Variants in AGBL4 observed in about 807,000 individuals in gnomAD.
AGBL4 encodes the protein cytosolic carboxypeptidase 6.
A neutral mutation model predicts 66.4 loss-of-function variants in AGBL4; 58 were observed. The ratio of observed to expected loss-of-function variants is 0.87; its 90% CI spans 0.71 to 1.09. The LOEUF (loss-of-function observed/expected upper bound fraction) is 1.09. Ranked by LOEUF, AGBL4 falls within the 50% of genes least tolerant of loss-of-function variation. The pLI, the probability that AGBL4 is intolerant of heterozygous loss-of-function variation, is 0.00. For synonymous variants in AGBL4, 234 were observed against 222.9 expected (o/e 1.05, Z -0.44); for missense variants, 579 against 631.0 (o/e 0.92, Z 0.88).
intron 1 of AGBL4, among the ~76,000 whole-genome samples, chr1:49,902,718 G>T (rs1649884971): frequency 6.6e-6 from 1 of 152,176 alleles, no homozygotes; most frequent in South Asian, 2.1e-4. Flanking sequence ...CTACACTCCA[G>T]CCTGGGCAAC....
At chr1:49,275,704 C>T (rs1644154301) in intron 3 of AGBL4, among the ~76,000 whole-genome samples, 1 of 151,994 alleles carries the variant, frequency 6.6e-6, no homozygotes, top group African/African-American at 2.4e-5. Context: ...TATTGTTTTC[C>T]TATAATTTAC....
rs111621403 is a variant in AGBL4 at position 48,863,986 on chromosome 1, C to T, written c.634+3205G>A. 6.3e-3 allele frequency among the ~76,000 whole-genome samples: 961 copies of T among 152,080 alleles called. 12 individuals are homozygous for T. Among genetic ancestry groups the T allele is most frequent in the African/African-American group, 0.017 (717 of 41,530 alleles). On this transcript the variant is annotated intron_variant, in intron 6 of 13. Coordinates refer to ENST00000371839, the MANE Select transcript of AGBL4 (RefSeq NM_032785.4). ...TTAAAACCTCGCATATATCAAAACA[C>T]ATCATGGAAAAAATTTAAAAATACA...
intron 2 of AGBL4, among the ~76,000 whole-genome samples, chr1:49,798,494 G>C (rs187281686): frequency 3.3e-5 from 5 of 152,114 alleles, no homozygotes; most frequent in Admixed American, 2.6e-4. Flanking sequence ...AAAATCTTCA[G>C]CTTATGAGTT....
chr1:49,602,604 A>T (rs1322823394), intron 3 of AGBL4, among the ~76,000 whole-genome samples: 1 of 151,852 alleles, frequency 6.6e-6, no homozygotes, highest in Non-Finnish European at 1.5e-5. Flanking sequence ...AGAAAACCAA[A>T]CACCACGTGT....
chr1:48,850,898 C>T (rs1177467425), intron 6 of AGBL4, among the ~76,000 whole-genome samples: 1 of 152,206 alleles, frequency 6.6e-6, no homozygotes. Context: ...TGGGTTCAAA[C>T]TCTGACTTTT....
At position 49,694,571 on chromosome 1, in the gene AGBL4, T is replaced by C. The variant is rs184764486; in HGVS notation, c.282+2742A>G. On this transcript the variant is annotated intron_variant, in intron 3 of 13. Coordinates refer to ENST00000371839, the MANE Select transcript of AGBL4 (RefSeq NM_032785.4). Reference sequence around the variant, plus strand: ...AACCCAGAGACAGGGAAAATATTGGTCCCTTCAACTTTAATAAATATGCAT... The same window carrying C: ...AACCCAGAGACAGGGAAAATATTGGCCCCTTCAACTTTAATAAATATGCAT... Among the ~76,000 whole-genome samples the C allele has an allele frequency of 1.1e-4, 17 of 152,150 alleles. No homozygotes were observed. The East Asian group carries it at 3.1e-3, about 28-fold the overall frequency.
intron 3 of AGBL4, among the ~76,000 whole-genome samples, chr1:49,382,634 T>G (rs1557888332): frequency 6.6e-6 from 1 of 152,098 alleles, no homozygotes; most frequent in Non-Finnish European, 1.5e-5. Flanking sequence ...CCACTTCTAT[T>G]CAATACAGTA....
chr1:48,817,788 A>G, intron 6 of AGBL4: 1 of 443,992 alleles, frequency 2.3e-6, no homozygotes, highest in Non-Finnish European at 4.0e-6. Flanking sequence ...TCCCTCCCAC[A>G]CATCCTGATA....
chr1:49,846,136 T>C (rs1005651096), intron 2 of AGBL4: 1 of 1,476,422 alleles, frequency 6.8e-7, no homozygotes, highest in African/African-American at 1.4e-5. Flanking sequence ...ACCAGAGGAT[T>C]CATACCAAGG....
chr1:49,792,962 T>C (rs1405334277), intron 2 of AGBL4, among the ~76,000 whole-genome samples: 1 of 152,052 alleles, frequency 6.6e-6, no homozygotes, highest in Non-Finnish European at 1.5e-5. Flanking sequence ...TTCATATGGT[T>C]AGACTAAGGA....
chr1:49,304,018 C>T (rs1311474395), intron 3 of AGBL4, among the ~76,000 whole-genome samples: 1 of 152,146 alleles, frequency 6.6e-6, no homozygotes, highest in Non-Finnish European at 1.5e-5. Context: ...GCTTTTGTTG[C>T]CATTGCTTTT....
At chr1:49,818,808 C>T (rs2147987692) in intron 2 of AGBL4, among the ~76,000 whole-genome samples, 1 of 152,250 alleles carries the variant, frequency 6.6e-6, no homozygotes, top group Non-Finnish European at 1.5e-5. Context: ...GAGCGTGGAG[C>T]TTGTAACACT....
intron 3 of AGBL4, among the ~76,000 whole-genome samples, chr1:49,407,065 CAAAAAAAA>C (rs57974289): frequency 3.9e-5 from 1 of 25,926 alleles, no homozygotes; most frequent in African/African-American, 1.2e-4. Context: ...ACTCTGCCTC[CAAAAAAAA>C]AAAAAAAAAA....
chr1:48,856,201 T>C (rs1647146785), intron 6 of AGBL4, among the ~76,000 whole-genome samples: 2 of 152,190 alleles, frequency 1.3e-5, no homozygotes, highest in South Asian at 4.1e-4. Context: ...TGCAATTTTT[T>C]AATAGAGAAA....
chr1:49,391,250 T>G (rs1206343435), intron 3 of AGBL4, among the ~76,000 whole-genome samples: 3 of 152,162 alleles, frequency 2.0e-5, no homozygotes, highest in African/African-American at 7.2e-5. Flanking sequence ...AGGATAAGAA[T>G]CTAGACTTTA....
chr1:49,364,746 G>A (rs1233981813), intron 3 of AGBL4, among the ~76,000 whole-genome samples: 1 of 152,144 alleles, frequency 6.6e-6, no homozygotes, highest in African/African-American at 2.4e-5. Flanking sequence ...CCAAAGTGCT[G>A]GGATTAAAGG....
chr1:49,372,669 TTCTTTCTTTCTC>T (rs1644387278), intron 3 of AGBL4, among the ~76,000 whole-genome samples: 2 of 68,072 alleles, frequency 2.9e-5, no homozygotes, highest in African/African-American at 5.5e-5. Context: ...CTTTCTTTCT[TTCTTTCTTTCTC>T]TTTCTTTCTC....
At chr1:49,303,542 T>C (rs1181216581) in intron 3 of AGBL4, among the ~76,000 whole-genome samples, 1 of 152,048 alleles carries the variant, frequency 6.6e-6, no homozygotes, top group Non-Finnish European at 1.5e-5. Flanking sequence ...AAACTCTGCC[T>C]CCCAGGTTCA....
intron 1 of AGBL4, among the ~76,000 whole-genome samples, chr1:50,019,308 A>T (rs199578796): frequency 0.011 from 707 of 62,366 alleles, 1 homozygote; most frequent in Middle Eastern, 0.064. Context: ...TCTCTCTCTC[A>T]CACACACACA....
Sources: gnomAD v4.1 joint callset for allele counts (sites outside exome capture counted in the v4.1 genomes callset) on GRCh38, gnomAD v4.1.1 for gene constraint, MANE v1.5 for transcripts, NCBI Gene and HGNC (gene_info 2026-07-23, HGNC 2026-07-21) for gene names.